RALYL: variants seen among roughly 807,000 people sequenced by gnomAD.
RALYL encodes the protein RNA-binding Raly-like protein.
In RALYL, 29 loss-of-function variants were observed where a neutral mutation model predicts 35.1. The observed-to-expected ratio is 0.83, with a 90% CI of 0.61 to 1.13. RALYL has a LOEUF of 1.13. Ranked by LOEUF, RALYL falls within the 50% of genes most tolerant of loss-of-function variation. RALYL has a pLI of 0.00. For missense variants in RALYL, 359 were observed against 360.4 expected (o/e 1.00, Z 0.03); for synonymous variants, 120 against 127.6 (o/e 0.94, Z 0.40).
At chr8:84,290,386 G>A (rs1235618515) in intron 1 of RALYL, among the ~76,000 whole-genome samples, 1 of 152,146 alleles carries the variant, frequency 6.6e-6, no homozygotes, top group Non-Finnish European at 1.5e-5. Flanking sequence ...CAGGCGGGCT[G>A]AGTCCGAAAA....
rs1006670938 is a variant in RALYL, at chr8:84,816,642, G to T, written c.365+11840G>T. Among the ~76,000 whole-genome samples the T allele has an allele frequency of 7.9e-5, 12 of 151,958 alleles. No homozygotes were observed. In the East Asian group the frequency reaches 2.3e-3, roughly 29 times the overall value. ...AATACATCACTGGGGCAGGGGCGGGGGTATGGTTAATGGATACAAAAAAAA... is the reference window on the plus strand; with the variant it reads ...AATACATCACTGGGGCAGGGGCGGGTGTATGGTTAATGGATACAAAAAAAA... On this transcript the variant is annotated intron_variant, in intron 4 of 8. Transcript: ENST00000521268.
At chr8:84,713,362 A>G (rs564937042) in intron 2 of RALYL, among the ~76,000 whole-genome samples, 40 of 152,042 alleles carry the variant, frequency 2.6e-4, no homozygotes, top group Non-Finnish European at 5.6e-4. Context: ...AAACAGCTCA[A>G]TAGCAATAAA....
At chr8:84,691,571 A>C (rs1838057022) in intron 2 of RALYL, among the ~76,000 whole-genome samples, 1 of 152,026 alleles carries the variant, frequency 6.6e-6, no homozygotes, top group South Asian at 2.1e-4. Flanking sequence ...CATTTAATTA[A>C]AGAAAGAGCA....
At chr8:84,485,424 G>A (rs1026797583) in intron 1 of RALYL, among the ~76,000 whole-genome samples, 5 of 152,020 alleles carry the variant, frequency 3.3e-5, no homozygotes, top group African/African-American at 1.2e-4. Context: ...TATTAAAAAT[G>A]TGAAAATTAA....
chr8:84,285,966 G>A (rs1837515712), intron 1 of RALYL, among the ~76,000 whole-genome samples: 1 of 152,096 alleles, frequency 6.6e-6, no homozygotes, highest in Non-Finnish European at 1.5e-5. Context: ...TCACTGAGGA[G>A]GCTATTATAG....
intron 1 of RALYL, among the ~76,000 whole-genome samples, chr8:84,492,331 T>G (rs753349576): frequency 2.0e-4 from 31 of 152,110 alleles, no homozygotes; most frequent in Admixed American, 1.8e-3. Context: ...AATTCAATTG[T>G]GTAACTATAG....
intron 2 of RALYL, among the ~76,000 whole-genome samples, chr8:84,663,569 T>C (rs1400933193): frequency 6.6e-6 from 1 of 152,190 alleles, no homozygotes; most frequent in Non-Finnish European, 1.5e-5. Flanking sequence ...TCTGTAATCA[T>C]CAGTGACATT....
intron 1 of RALYL, among the ~76,000 whole-genome samples, chr8:84,293,926 G>C (rs995652515): frequency 5.3e-5 from 8 of 151,934 alleles, no homozygotes; most frequent in Admixed American, 2.6e-4. Context: ...TCTTCTTGCA[G>C]CAGTCCTTTT....
chr8:84,474,612 T>C (rs552792608), intron 1 of RALYL, among the ~76,000 whole-genome samples: 46 of 152,142 alleles, frequency 3.0e-4, no homozygotes, highest in Non-Finnish European at 5.9e-4. Context: ...TCTTTGCAAT[T>C]GTAGTGTGTA....
At chr8:84,341,620 A>G (rs896432830) in intron 1 of RALYL, among the ~76,000 whole-genome samples, 1 of 152,078 alleles carries the variant, frequency 6.6e-6, no homozygotes, top group African/African-American at 2.4e-5. Context: ...ACCATATATA[A>G]ATAAGTTAAT....
At chr8:84,751,605 G>A (rs558196642) in intron 2 of RALYL, among the ~76,000 whole-genome samples, 4 of 152,100 alleles carry the variant, frequency 2.6e-5, no homozygotes, top group East Asian at 3.9e-4. Context: ...TTGGAGGTGG[G>A]GACTGGTGGG....
At chr8:84,588,012 C>A (rs1421692574) in intron 2 of RALYL, among the ~76,000 whole-genome samples, 1 of 152,104 alleles carries the variant, frequency 6.6e-6, no homozygotes, top group Non-Finnish European at 1.5e-5. Context: ...TACCCACACA[C>A]CCCACACATA....
intron 2 of RALYL, among the ~76,000 whole-genome samples, chr8:84,535,505 G>C (rs886601242): frequency 6.7e-6 from 1 of 149,638 alleles, no homozygotes; most frequent in East Asian, 2.0e-4. Context: ...GCGCTGTCTC[G>C]GCTCACTGCA....
intron 7 of RALYL, among the ~76,000 whole-genome samples, chr8:84,886,731 T>C (rs903950255): frequency 6.6e-6 from 1 of 152,182 alleles, no homozygotes; most frequent in Non-Finnish European, 1.5e-5. Flanking sequence ...TTTGAGCAGG[T>C]TTCTGTATAT....
intron 2 of RALYL, among the ~76,000 whole-genome samples, chr8:84,684,955 C>G (rs1230830994): frequency 6.6e-6 from 1 of 152,262 alleles, no homozygotes; most frequent in East Asian, 1.9e-4. Context: ...GAGGCCTCCT[C>G]TCAGCTGGTA....
chr8:84,404,600 C>T (rs369283368), intron 1 of RALYL, among the ~76,000 whole-genome samples: 10 of 152,016 alleles, frequency 6.6e-5, no homozygotes, highest in African/African-American at 1.9e-4. Context: ...ATTTTTCCAT[C>T]GATGTTCATC....
chr8:84,313,419 C>T (rs73306925), intron 1 of RALYL, among the ~76,000 whole-genome samples: 7,218 of 152,232 alleles, frequency 0.047, 269 homozygotes, highest in African/African-American at 0.083. Flanking sequence ...TTTTCTATCA[C>T]GGTCAGTCTG....
intron 1 of RALYL, among the ~76,000 whole-genome samples, chr8:84,345,613 C>A (rs1245711856): frequency 6.6e-6 from 1 of 152,038 alleles, no homozygotes; most frequent in Non-Finnish European, 1.5e-5. Context: ...ACTAAAGCAG[C>A]CTTTGGGAAG....
chr8:84,800,948 T>C (rs973576628), intron 3 of RALYL, among the ~76,000 whole-genome samples: 1 of 152,196 alleles, frequency 6.6e-6, no homozygotes, highest in Admixed American at 6.5e-5. Context: ...ATGCTCTAAA[T>C]AGAAAATCTC....
Sources: gnomAD v4.1 joint callset for allele counts (sites outside exome capture counted in the v4.1 genomes callset) on GRCh38, gnomAD v4.1.1 for gene constraint, MANE v1.5 for transcripts, NCBI Gene and HGNC (gene_info 2026-07-23, HGNC 2026-07-21) for gene names.